The following PCDH9 variants were observed in gnomAD, a reference collection of about 807,000 sequenced individuals.
PCDH9 encodes protocadherin 9, also known as protocadherin-9.
Under a neutral mutation model 70.6 loss-of-function variants are expected in PCDH9, and 24 were observed. The ratio of observed to expected loss-of-function variants is 0.34; its 90% confidence interval spans 0.25 to 0.48. The LOEUF is 0.48. Ranked by LOEUF, PCDH9 falls within the 20% of genes least tolerant of loss-of-function variation. PCDH9 has a pLI of 0.99. For synonymous variants in PCDH9, 562 were observed against 558.5 expected, an observed-to-expected ratio of 1.01 and a Z score of -0.09; for missense variants, 1,281 against 1,503.6, an observed-to-expected ratio of 0.85 and a Z score of 2.45.
At chr13:67,078,009 GT>G (rs2085911561) in intron 2 of PCDH9, among the ~76,000 whole-genome samples, 1 of 152,062 alleles carries the variant, frequency 6.6e-6, no homozygotes, top group South Asian at 2.1e-4. Context: ...TCATGTTGTG[GT>G]TCCAGCTTCT....
intron 4 of PCDH9, among the ~76,000 whole-genome samples, chr13:66,360,879 T>C (rs1002291503): frequency 2.0e-5 from 3 of 152,160 alleles, no homozygotes; most frequent in Admixed American, 6.6e-5. Context: ...TACCCAGCAC[T>C]AGGTAACTTA....
chr13:67,184,918 C>T (rs2088712229), intron 2 of PCDH9, among the ~76,000 whole-genome samples: 1 of 152,148 alleles, frequency 6.6e-6, no homozygotes, highest in South Asian at 2.1e-4. Flanking sequence ...TAATACATCC[C>T]TTTTTGGTCC....
At chr13:66,765,007 TC>T (rs2079689940) in intron 3 of PCDH9, among the ~76,000 whole-genome samples, 1 of 151,720 alleles carries the variant, frequency 6.6e-6, no homozygotes, top group Admixed American at 6.6e-5. Context: ...TCTGTCTCTC[TC>T]TCTGTCTCTT....
intron 4 of PCDH9, among the ~76,000 whole-genome samples, chr13:66,391,906 G>A (rs1188615318): frequency 6.5e-5 from 6 of 91,948 alleles, no homozygotes; most frequent in Admixed American, 5.6e-4. Context: ...ATATATATAT[G>A]TTTGTGCATA....
chr13:67,175,132 T>C (rs2088415628), intron 2 of PCDH9, among the ~76,000 whole-genome samples: 1 of 151,960 alleles, frequency 6.6e-6, no homozygotes, highest in African/African-American at 2.4e-5. Context: ...AGAGATCCTG[T>C]CTCTAAAAAA....
intron 4 of PCDH9, among the ~76,000 whole-genome samples, chr13:66,432,975 A>G (rs187742386): frequency 1.4e-4 from 22 of 152,114 alleles, no homozygotes; most frequent in Admixed American, 1.1e-3. Flanking sequence ...ATTTGCTATG[A>G]GGAAGTAAAT....
chr13:66,570,839 A>G (rs539391656), intron 4 of PCDH9, among the ~76,000 whole-genome samples: 1 of 152,226 alleles, frequency 6.6e-6, no homozygotes, highest in South Asian at 2.1e-4. Context: ...ATTAGAGGAC[A>G]CATTAAGATA....
chr13:66,564,877 T>A (rs78071550), intron 4 of PCDH9, among the ~76,000 whole-genome samples: 8 of 151,888 alleles, frequency 5.3e-5, no homozygotes, highest in East Asian at 1.9e-4. Context: ...TTTTTTTTTT[T>A]AATTTTTGAT....
chr13:67,013,528 A>T (rs1354844509), intron 2 of PCDH9, among the ~76,000 whole-genome samples: 1 of 151,950 alleles, frequency 6.6e-6, no homozygotes, highest in Non-Finnish European at 1.5e-5. Flanking sequence ...AAGCACCTGG[A>T]TGTCAATTAA....
At chr13:67,095,778 C>G (rs1384224785) in intron 2 of PCDH9, among the ~76,000 whole-genome samples, 1 of 152,116 alleles carries the variant, frequency 6.6e-6, no homozygotes, top group Non-Finnish European at 1.5e-5. Flanking sequence ...AAATATAAAG[C>G]AAGGTCTCAG....
intron 4 of PCDH9, among the ~76,000 whole-genome samples, chr13:66,624,284 C>T (rs948816355): frequency 1.3e-5 from 2 of 152,160 alleles, no homozygotes; most frequent in Admixed American, 1.3e-4. Flanking sequence ...TTAATGGTTT[C>T]ATTGAATTTT....
intron 3 of PCDH9, among the ~76,000 whole-genome samples, chr13:66,677,610 C>A (rs1293715066): frequency 1.3e-5 from 2 of 152,008 alleles, no homozygotes; most frequent in Non-Finnish European, 2.9e-5. Context: ...GCACTTCCTT[C>A]CCCATGCTCT....
chr13:66,333,908 T>C (rs1235085417), intron 4 of PCDH9, among the ~76,000 whole-genome samples: 2 of 151,976 alleles, frequency 1.3e-5, no homozygotes, highest in African/African-American at 4.8e-5. Flanking sequence ...GAAATTAACC[T>C]TTAAATCAGT....
At chr13:66,979,557 T>A (rs1198881080) in intron 2 of PCDH9, among the ~76,000 whole-genome samples, 6 of 152,178 alleles carry the variant, frequency 3.9e-5, no homozygotes, top group Non-Finnish European at 5.9e-5. Flanking sequence ...TCTTCTCTAA[T>A]AGAATATTAC....
chr13:66,628,723 T>C (rs535642716), intron 4 of PCDH9, among the ~76,000 whole-genome samples: 1 of 152,354 alleles, frequency 6.6e-6, no homozygotes, highest in South Asian at 2.1e-4. Flanking sequence ...TTTCTTCAAA[T>C]AGATTTTCAG....
At chr13:66,365,624 G>A (rs193286728) in intron 4 of PCDH9, among the ~76,000 whole-genome samples, 151 of 152,254 alleles carry the variant, frequency 9.9e-4, no homozygotes, top group African/African-American at 3.4e-3. Flanking sequence ...AGAAGAAATA[G>A]ACTTATTAAG....
chr13:66,396,137 TA>T, intron 4 of PCDH9, among the ~76,000 whole-genome samples: 1 of 152,288 alleles, frequency 6.6e-6, no homozygotes, highest in East Asian at 1.9e-4. Flanking sequence ...AATTTAGGTA[TA>T]GGGATGTTAA....
chr13:67,050,592 T>C (rs941544690), intron 2 of PCDH9, among the ~76,000 whole-genome samples: 2 of 152,196 alleles, frequency 1.3e-5, no homozygotes, highest in South Asian at 2.1e-4. Flanking sequence ...CAGCTACATA[T>C]TGTTATTGTA....
At chr13:66,522,995 G>A (rs1202457175) in intron 4 of PCDH9, among the ~76,000 whole-genome samples, 1 of 151,948 alleles carries the variant, frequency 6.6e-6, no homozygotes, top group African/African-American at 2.4e-5. Flanking sequence ...TAGTTTGCTG[G>A]ACTGAAATTA....
Sources: gnomAD v4.1 joint callset for allele counts (sites outside exome capture counted in the v4.1 genomes callset) on GRCh38, gnomAD v4.1.1 for gene constraint, MANE v1.5 for transcripts, NCBI Gene and HGNC (gene_info 2026-07-23, HGNC 2026-07-21) for gene names.